The following CTSB variants were observed in gnomAD, a reference collection of about 807,000 sequenced individuals.
CTSB encodes the protein APP secretase.
In CTSB, 57 loss-of-function variants were observed where a neutral mutation model predicts 44.3. The ratio of observed to expected loss-of-function variants is 1.29; its 90% CI spans 1.04 to 1.60. The LOEUF (loss-of-function observed/expected upper bound fraction) is 1.60, where lower values mean the gene tolerates loss of function less well. Ranked by LOEUF, CTSB falls within the 40% of genes most tolerant of loss-of-function variation. The pLI, the probability that CTSB is intolerant of heterozygous loss-of-function variation, is 0.00. For missense variants in CTSB, 768 were observed against 443.0 expected, an observed-to-expected ratio of 1.73 and a Z score of -6.59; for synonymous variants, 320 against 168.0, an observed-to-expected ratio of 1.91 and a Z score of -7.00.
At chr8:11,860,055 G>C (rs193077561) in intron 1 of CTSB, among the ~76,000 whole-genome samples, 4 of 151,994 alleles carry the variant, frequency 2.6e-5, no homozygotes, top group Non-Finnish European at 5.9e-5. Context: ...CTGGGCGACA[G>C]AGCAACACTC....
At chr8:11,864,188 A>T (rs900024178) in intron 1 of CTSB, among the ~76,000 whole-genome samples, 1 of 152,026 alleles carries the variant, frequency 6.6e-6, no homozygotes, top group Non-Finnish European at 1.5e-5. Context: ...AAGTACAAAA[A>T]GGCCTGGAGG....
chr8:11,863,331 C>T (rs1053194705), intron 1 of CTSB, among the ~76,000 whole-genome samples: 5 of 151,986 alleles, frequency 3.3e-5, no homozygotes, highest in East Asian at 1.9e-4. Flanking sequence ...TGGTGGCACA[C>T]GCCTGTAATC....
intron 8 of CTSB, 32 bp downstream of exon 8, chr8:11,847,005 CCCCTCCCGACCCCCA>C (rs1460457892): frequency 3.3e-6 from 3 of 906,702 alleles, no homozygotes; most frequent in Non-Finnish European, 3.7e-6. Flanking sequence ...CACCCAGGCT[CCCCTCCCGACCCCCA>C]CCCTCTATTG....
At chr8:11,855,351 A>G (rs1395241281) in intron 1 of CTSB, among the ~76,000 whole-genome samples, 3 of 152,218 alleles carry the variant, frequency 2.0e-5, no homozygotes, top group African/African-American at 7.2e-5. Context: ...TTTTATGAAA[A>G]AAATCAATGC....
At chr8:11,854,593 T>TTCAAACAATTCCTGTG (rs71205034) in intron 1 of CTSB, 1 of 151,512 alleles carries the variant, frequency 6.6e-6, no homozygotes, top group South Asian at 2.1e-4. Flanking sequence ...ACCTCCCAGG[T>TTCAAACAATTCCTGTG]TCTTAGCCTC....
At chr8:11,857,432 T>G (rs73209041) in intron 1 of CTSB, among the ~76,000 whole-genome samples, 15,624 of 152,224 alleles carry the variant, frequency 0.1, 1,023 homozygotes, top group South Asian at 0.15. Flanking sequence ...GGTTAGCATG[T>G]CTCGTGGGCA....
chr8:11,863,171 A>G (rs986015232), intron 1 of CTSB, among the ~76,000 whole-genome samples: 10 of 152,166 alleles, frequency 6.6e-5, no homozygotes, highest in Non-Finnish European at 1.5e-4. Flanking sequence ...ATTTAAAATA[A>G]AAAATAAATA....
At chr8:11,850,212 C>T (rs1160321153) in intron 4 of CTSB, among the ~76,000 whole-genome samples, 1 of 151,802 alleles carries the variant, frequency 6.6e-6, no homozygotes, top group African/African-American at 2.4e-5. Context: ...ACAGGTGAGG[C>T]GTTTGAGACC....
intron 4 of CTSB, 192 bp downstream of exon 4, chr8:11,850,674 C>T (rs1178749792): frequency 1.5e-5 from 7 of 478,196 alleles, no homozygotes; most frequent in South Asian, 8.6e-5. Flanking sequence ...ATGCTCTGCC[C>T]GCCACTCCAC....
At position 11,849,069 on chromosome 8, in the gene CTSB, G is replaced by C. The variant is rs757432398; in HGVS notation, c.423C>G (p.Cys141Trp). 6 of 1,613,218 alleles carry C rather than the reference G, an allele frequency of 3.7e-6. No individual in the cohort carries two copies. The highest frequency in any genetic ancestry group is 5.1e-6 in the Non-Finnish European group (6 of 1,179,574). The part of the protein sequence containing the change: ...VEVSAEDLLT[C>W]CGSMCGDGCN... ...ACCCGTCCCCACACATGCTGCCACA[G>C]CATGTGAGCAGGTCCTCCGCCGACA... Residue 141 changes from cysteine (C) to tryptophan (W), a missense_variant, in exon 5 of 10, where the codon TGC becomes TGG. By Grantham distance (215) the Cys-to-Trp change is radical (BLOSUM62 -2). Coordinates refer to ENST00000353047, the MANE Select transcript of CTSB (RefSeq NM_001908.5).
rs368911378 is a variant in CTSB at position 11,849,021 on chromosome 8, G to A, written c.446+25C>T. On this transcript the variant is annotated intron_variant, in intron 5 of 9. Transcript: ENST00000353047. Reference sequence around the variant, plus strand: ...CCCAGGGTCTCTCAGCACTAAACCCGCTGTGGAAGCACAGCCTGACTCACC... The same window carrying A: ...CCCAGGGTCTCTCAGCACTAAACCCACTGTGGAAGCACAGCCTGACTCACC... 16 of 1,572,724 alleles carry A rather than the reference G, an allele frequency of 1.0e-5. No individual in the cohort carries two copies. The African/African-American group carries it at 1.2e-4, about 12-fold the overall frequency.
intron 1 of CTSB, among the ~76,000 whole-genome samples, chr8:11,856,934 G>A (rs538440735): frequency 6.6e-6 from 1 of 152,054 alleles, no homozygotes; most frequent in South Asian, 2.1e-4. Flanking sequence ...ATTACTAAAG[G>A]CCCTGAGCCA....
In CTSB at chr8:11,843,521, ATGCAAAGC is replaced by A. The variant is rs1812647351; in HGVS notation, c.*1596_*1603del. 1 of 152,258 alleles carries A rather than the reference ATGCAAAGC, an allele frequency of 6.6e-6. No homozygotes were observed. Among genetic ancestry groups the A allele is most frequent in the African/African-American group, 2.4e-5 (1 of 41,454 alleles). The allele number at this position is 152,258 out of a possible 1,614,324, so 9.4% of individuals were successfully genotyped here. A position where few individuals can be genotyped will look rare whatever the true frequency, so the allele number is the denominator to read the frequency against. On this transcript the variant is annotated 3_prime_UTR_variant, in exon 10 of 10. Transcript: ENST00000353047. ...TATAACATGTTTCTAAACCAGGGCT[ATGCAAAGC>A]ACTAGAGTTCCTGACCAGCAATGCA...
chr8:11,849,230 T>A, intron 4 of CTSB, 66 bp from the exon 5 acceptor site: 2 of 1,316,272 alleles, frequency 1.5e-6, no homozygotes, highest in South Asian at 1.2e-5. Flanking sequence ...AGCAGTCCCC[T>A]CAAAGGGCCA....
intron 1 of CTSB, among the ~76,000 whole-genome samples, chr8:11,859,818 T>G (rs534750514): frequency 7.3e-6 from 1 of 137,058 alleles, no homozygotes; most frequent in Admixed American, 7.9e-5. Context: ...CTCACGCATG[T>G]AATCCCAGCA....
At chr8:11,860,747 G>C (rs1424506592) in intron 1 of CTSB, among the ~76,000 whole-genome samples, 2 of 152,262 alleles carry the variant, frequency 1.3e-5, no homozygotes, top group Non-Finnish European at 2.9e-5. Context: ...ACAGTGGAAA[G>C]GTGGGGAGAC....
Position 11,852,700 on chromosome 8 carries a change from AAG to A in CTSB, c.127-7_127-6del, listed in dbSNP as rs768758957. The A allele has an allele frequency of 7.3e-5, 118 of 1,613,586 alleles. No individual in the cohort carries two copies. Among genetic ancestry groups the A allele is most frequent in the Non-Finnish European group, 8.6e-5 (102 of 1,179,888 alleles). On this transcript the variant is annotated splice_region_variant and splice_polypyrimidine_tract_variant and intron_variant, in intron 2 of 9. Transcript: ENST00000353047. ...GTTGTAGAAGTTGTGCCCGGCCTGGAAGAGAGTCACCCACTGACTGAAGGGTC... is the reference window on the plus strand; with the variant it reads ...GTTGTAGAAGTTGTGCCCGGCCTGGAAGAGTCACCCACTGACTGAAGGGTC...
chr8:11,849,363 C>A (rs1814107506), intron 4 of CTSB, 199 bp from the exon 5 acceptor site: 6 of 420,160 alleles, frequency 1.4e-5, no homozygotes, highest in South Asian at 1.2e-4. Context: ...CCAGACTGGT[C>A]TTGAACTCCC....
intron 4 of CTSB, among the ~76,000 whole-genome samples, chr8:11,850,419 CAAAAAAAAAAA>C (rs61067792): frequency 2.8e-4 from 15 of 53,788 alleles, no homozygotes; most frequent in East Asian, 7.3e-4. Flanking sequence ...ACTCCATCTC[CAAAAAAAAAAA>C]AAAAAAAAAA....
Sources: allele counts gnomAD v4.1 joint callset (sites outside exome capture counted in the v4.1 genomes callset), GRCh38; gene constraint gnomAD v4.1.1; transcripts MANE v1.5; gene names NCBI Gene and HGNC (gene_info 2026-07-23, HGNC 2026-07-21).